SHANK2: variants seen among roughly 807,000 people sequenced by gnomAD.
SHANK2 encodes SH3 and multiple ankyrin repeat domains 2.
SHANK2 carries 43 observed loss-of-function variants against 133.7 expected under a neutral mutation model. The observed-to-expected ratio is 0.32, with a 90% CI of 0.25 to 0.41. SHANK2 has a LOEUF of 0.41. Among genes scored for constraint, SHANK2 ranks in the 10% least tolerant of loss-of-function variants. The pLI is 1.00. For synonymous variants in SHANK2, 1,017 were observed against 952.8 expected (o/e 1.07, Z -1.24); for missense variants, 1,994 against 2,235.8 (o/e 0.89, Z 2.18).
At chr11:71,117,585 T>C (rs1952002398) in intron 4 of SHANK2, among the ~76,000 whole-genome samples, 1 of 144,680 alleles carries the variant, frequency 6.9e-6, no homozygotes, top group Non-Finnish European at 1.6e-5. Flanking sequence ...TGGAGTCCAA[T>C]CACCATGGTC....
chr11:70,890,972 A>G (rs1555074605), intron 11 of SHANK2, among the ~76,000 whole-genome samples: 1 of 151,998 alleles, frequency 6.6e-6, no homozygotes, highest in African/African-American at 2.4e-5. Context: ...CCTCAAAAAA[A>G]AAAAAAAGAG....
chr11:70,867,484 G>A lies in SHANK2; in HGVS notation c.1174+29017C>T, dbSNP rs1949385064. On this transcript the variant is annotated intron_variant, in intron 11 of 25. Transcript: ENST00000601538. ...TGGGGAGTACGGCATGCGCATGAGG[G>A]CTGAGGGGTGGGGCAGGACGGGCCA... 1.3e-5 allele frequency among the ~76,000 whole-genome samples: 2 copies of A among 152,304 alleles called. 1 individual carries two copies. Among genetic ancestry groups the A allele is most frequent in the Admixed American group, 1.3e-4 (2 of 15,304 alleles).
intron 14 of SHANK2, among the ~76,000 whole-genome samples, chr11:70,723,981 A>G (rs1946122595): frequency 6.6e-6 from 1 of 151,704 alleles, no homozygotes; most frequent in Non-Finnish European, 1.5e-5. Flanking sequence ...AAAAAAAAAA[A>G]TCCCGCATCA....
chr11:70,898,276 A>ACACATG (rs1336329360), intron 10 of SHANK2, among the ~76,000 whole-genome samples: 21 of 93,036 alleles, frequency 2.3e-4, no homozygotes, highest in Admixed American at 6.9e-4. Flanking sequence ...AAATATATAC[A>ACACATG]CACACGCACA....
At chr11:70,919,475 AG>A (rs1950318139) in intron 10 of SHANK2, among the ~76,000 whole-genome samples, 1 of 151,380 alleles carries the variant, frequency 6.6e-6, no homozygotes, top group Admixed American at 6.6e-5. Context: ...TCCGCCTCCC[AG>A]GTTCTAAGCA....
chr11:71,073,147 C>CTTTTCTTT (rs1951166965), intron 9 of SHANK2, among the ~76,000 whole-genome samples: 1 of 62,716 alleles, frequency 1.6e-5, no homozygotes, highest in Non-Finnish European at 3.9e-5. Context: ...TTTTTCTTTT[C>CTTTTCTTT]TTTTTTTTCT....
At chr11:70,669,870 G>A (rs2134321478) in intron 15 of SHANK2, among the ~76,000 whole-genome samples, 1 of 152,360 alleles carries the variant, frequency 6.6e-6, no homozygotes, top group African/African-American at 2.4e-5. Flanking sequence ...GGGAATCACA[G>A]GAGCTGCTGG....
At chr11:70,749,923 T>C (rs1946720017) in intron 14 of SHANK2, among the ~76,000 whole-genome samples, 2 of 152,210 alleles carry the variant, frequency 1.3e-5, no homozygotes, top group African/African-American at 2.4e-5. Context: ...CAGAAAAAAG[T>C]ATTTTAAGAA....
In SHANK2 at chr11:71,177,365, T is replaced by C. The variant is rs538931265; in HGVS notation, c.-12-30027A>G. On this transcript the variant is annotated intron_variant, in intron 2 of 25. Transcript: ENST00000601538. ...GTTTACAAGACATATAGAAGAAAAA[T>C]ATACAACAATAGCACAAAGGTTGGA... 1.1e-4 allele frequency among the ~76,000 whole-genome samples: 16 copies of C among 152,006 alleles called. No individual in the cohort carries two copies. In the South Asian group the frequency reaches 2.7e-3, roughly 26 times the overall value.
At chr11:71,246,358 G>A (rs1023742997) in intron 1 of SHANK2, among the ~76,000 whole-genome samples, 3 of 152,062 alleles carry the variant, frequency 2.0e-5, no homozygotes, top group Non-Finnish European at 2.9e-5. Flanking sequence ...AAGAGGAGGG[G>A]ACTGATGAGC....
In SHANK2 at chr11:70,807,967, C is replaced by T. The variant is rs1948198567; in HGVS notation, c.1494-796G>A. On this transcript the variant is annotated intron_variant, in intron 12 of 25. Transcript: ENST00000601538. This position sits in a 1 kb window ranked among gnomAD's most constrained non-coding sequence, Gnocchi z 4.8. ...GCGAGGGCCCGAGAGCAGTCAGATT[C>T]ATGGACACAGAAAGTAGAATGGCGG... 6.6e-6 allele frequency among the ~76,000 whole-genome samples: 1 copy of T among 152,146 alleles called. No homozygotes were observed. Among genetic ancestry groups the T allele is most frequent in the African/African-American group, 2.4e-5 (1 of 41,436 alleles).
At chr11:70,681,036 G>T (rs1379678610) in intron 15 of SHANK2, among the ~76,000 whole-genome samples, 1 of 152,210 alleles carries the variant, frequency 6.6e-6, no homozygotes, top group East Asian at 1.9e-4. Context: ...CTGGCTCTGG[G>T]GTGCTGGTGG....
At chr11:70,522,725 G>A (rs1469161091) in intron 17 of SHANK2, among the ~76,000 whole-genome samples, 1 of 152,182 alleles carries the variant, frequency 6.6e-6, no homozygotes, top group Non-Finnish European at 1.5e-5. Context: ...TTCGGACCGT[G>A]TCCCAGTCCC....
At chr11:70,912,122 A>C (rs1950202628) in intron 10 of SHANK2, among the ~76,000 whole-genome samples, 1 of 150,116 alleles carries the variant, frequency 6.7e-6, no homozygotes. Context: ...AAAAGAAAGA[A>C]AGAAAGAAAG....
At chr11:71,138,733 G>A (rs2135370608) in intron 3 of SHANK2, among the ~76,000 whole-genome samples, 1 of 149,968 alleles carries the variant, frequency 6.7e-6, no homozygotes, top group African/African-American at 2.5e-5. Context: ...CAAGGGTGCA[G>A]TGAGTTGTGA....
At position 70,486,364 on chromosome 11, in the gene SHANK2, G is replaced by A. The variant is rs1555153534; in HGVS notation, c.3929C>T (p.Ser1310Leu). The stretch of plus-strand genomic sequence containing the variant: ...GGTGTGCACCATCAGCAGGCCAGCC[G>A]ACTTCTGCTGGGACGTGTCCATGAT... ...IDIMDTSQQK[S>L]AGLLMVHTVD... The change falls in exon 25 of 26, where the codon TCG becomes TTG. Residue 1310 changes from serine (S) to leucine (L), a missense_variant. Physicochemically the swap from Ser to Leu is moderately radical, Grantham distance 145. Around this residue, in one of 5 missense-constraint regions of SHANK2, gnomAD observed 797 missense variants for 907.4 expected, o/e 0.88. Coordinates refer to ENST00000601538, the MANE Select transcript of SHANK2 (RefSeq NM_012309.5). This position sits in a 1 kb window ranked among gnomAD's most constrained non-coding sequence, Gnocchi z 8.0. 6.2e-7 allele frequency: 1 copy of A among 1,613,738 alleles called. No homozygotes were observed. Among genetic ancestry groups the A allele is most frequent in the African/African-American group, 1.3e-5 (1 of 74,890 alleles).
intron 17 of SHANK2, among the ~76,000 whole-genome samples, chr11:70,573,782 A>G (rs2060081091): frequency 6.6e-6 from 1 of 152,176 alleles, no homozygotes; most frequent in African/African-American, 2.4e-5. Context: ...ACTTCAGCCA[A>G]CGGCCACTTT....
At chr11:70,919,000 C>T (rs1360565753) in intron 10 of SHANK2, among the ~76,000 whole-genome samples, 1 of 151,796 alleles carries the variant, frequency 6.6e-6, no homozygotes, top group Admixed American at 6.6e-5. Context: ...CCCATTTCTA[C>T]AAAAAAATTA....
intron 1 of SHANK2, among the ~76,000 whole-genome samples, chr11:71,245,900 CA>C (rs1450520487): frequency 1.3e-5 from 2 of 152,088 alleles, no homozygotes; most frequent in Admixed American, 6.5e-5. Context: ...CCGGCTGGCC[CA>C]GGGGCAAATG....
Sources: allele counts gnomAD v4.1 joint callset (sites outside exome capture counted in the v4.1 genomes callset), GRCh38; gene constraint gnomAD v4.1.1; regional missense constraint gnomAD v4.1.1; non-coding constraint Gnocchi (gnomAD v3.1); transcripts MANE v1.5; gene names NCBI Gene and HGNC (gene_info 2026-07-23, HGNC 2026-07-21).